Variants in UNC5B observed in about 807,000 individuals in gnomAD.
UNC5B encodes netrin receptor UNC5B.
Under a neutral mutation model 103.7 loss-of-function variants are expected in UNC5B, and 56 were observed. The ratio of observed to expected loss-of-function variants is 0.54; its 90% CI spans 0.44 to 0.67. The LOEUF (loss-of-function observed/expected upper bound fraction) is 0.67. Ranked by LOEUF, UNC5B falls within the 30% of genes least tolerant of loss-of-function variation. The probability of loss-of-function intolerance (pLI) is 0.00; values close to 1 mark genes in which losing one functional copy is unlikely to be tolerated. For synonymous variants in UNC5B, 577 were observed against 542.0 expected, an observed-to-expected ratio of 1.06 and a Z score of -0.90; for missense variants, 1,194 against 1,284.5, an observed-to-expected ratio of 0.93 and a Z score of 1.08.
chr10:71,260,720 C>G (rs1288754107), intron 1 of UNC5B, among the ~76,000 whole-genome samples: 1 of 152,182 alleles, frequency 6.6e-6, no homozygotes, highest in African/African-American at 2.4e-5. Context: ...GAAGAGGCTC[C>G]TAAGAGCTGG....
intron 1 of UNC5B, among the ~76,000 whole-genome samples, chr10:71,263,864 A>G (rs1844468651): frequency 6.6e-6 from 1 of 152,156 alleles, no homozygotes; most frequent in African/African-American, 2.4e-5. Context: ...AAACAGACAG[A>G]CAGGGAGGGA....
chr10:71,290,260 C>T (rs1391213379), intron 8 of UNC5B, among the ~76,000 whole-genome samples: 4 of 152,154 alleles, frequency 2.6e-5, no homozygotes, highest in Admixed American at 2.0e-4. Flanking sequence ...CAGACCCTGC[C>T]ACTTTGACCT....
intron 14 of UNC5B, 126 bp from the exon 15 acceptor site, chr10:71,296,452 C>G (rs1845414198): frequency 9.0e-7 from 1 of 1,114,832 alleles, no homozygotes; most frequent in African/African-American, 1.6e-5. Context: ...GCACTTGACC[C>G]CTCCCTATCT....
chr10:71,260,497 C>T (rs1844392349), intron 1 of UNC5B, among the ~76,000 whole-genome samples: 1 of 152,202 alleles, frequency 6.6e-6, no homozygotes, highest in African/African-American at 2.4e-5. Flanking sequence ...AGGCAGGCAC[C>T]TCCCAAAAAA....
rs778203394 is a variant in UNC5B, at chr10:71,293,851, C to G, written c.2093C>G (p.Ala698Gly). The G allele has an allele frequency of 1.2e-6, 2 of 1,609,694 alleles. No individual in the cohort carries two copies. The highest frequency in any genetic ancestry group is 2.7e-5 in the African/African-American group (2 of 74,870). ...TCAGCAGTCAAGCGGCTCCAGCTGG[C>G]CGTCTTCGCCCCCGCCCTCTGCACC... ...SRSAVKRLQL[A>G]VFAPALCTSL... The change falls in exon 13 of 17, where the codon GCC (alanine) becomes GGC (glycine). Residue 698 changes from alanine to glycine, a missense_variant. By Grantham distance (60) the Ala-to-Gly change is moderately conservative (BLOSUM62 0). Coordinates refer to ENST00000335350, the MANE Select transcript of UNC5B (RefSeq NM_170744.5).
intron 1 of UNC5B, among the ~76,000 whole-genome samples, chr10:71,274,732 C>A (rs772299493): frequency 6.6e-6 from 1 of 152,088 alleles, no homozygotes; most frequent in Non-Finnish European, 1.5e-5. Context: ...TGATCTAAGG[C>A]CTGGGATGGG....
intron 1 of UNC5B, among the ~76,000 whole-genome samples, chr10:71,216,187 C>T (rs1458611689): frequency 2.0e-5 from 3 of 152,200 alleles, no homozygotes; most frequent in African/African-American, 7.2e-5. Flanking sequence ...GCCTCACAAC[C>T]TCAATCTAGT....
At chr10:71,266,791 C>T (rs1318640850) in intron 1 of UNC5B, among the ~76,000 whole-genome samples, 2 of 152,162 alleles carry the variant, frequency 1.3e-5, no homozygotes, top group African/African-American at 4.8e-5. Flanking sequence ...TTTCAGTTAC[C>T]CATGGCCAAC....
At chr10:71,262,376 TG>T (rs539875174) in intron 1 of UNC5B, among the ~76,000 whole-genome samples, 320 of 117,526 alleles carry the variant, frequency 2.7e-3, no homozygotes, top group African/African-American at 9.2e-3. Flanking sequence ...CTGAGCTGGC[TG>T]GGGGGATGGG....
At chr10:71,262,159 C>A (rs1410987947) in intron 1 of UNC5B, among the ~76,000 whole-genome samples, 3 of 152,132 alleles carry the variant, frequency 2.0e-5, no homozygotes, top group African/African-American at 7.2e-5. Context: ...GGGAGTGGGG[C>A]AGGAGGGAGT....
At chr10:71,228,768 C>T (rs1278711734) in intron 1 of UNC5B, among the ~76,000 whole-genome samples, 3 of 152,258 alleles carry the variant, frequency 2.0e-5, no homozygotes, top group African/African-American at 7.2e-5. Flanking sequence ...TCTGTGCCCA[C>T]CTTGGCCATT....
At chr10:71,269,863 A>G (rs1448832408) in intron 1 of UNC5B, among the ~76,000 whole-genome samples, 1 of 152,170 alleles carries the variant, frequency 6.6e-6, no homozygotes, top group Non-Finnish European at 1.5e-5. Flanking sequence ...CTGGGTGGTC[A>G]GGGAAGGCCT....
At chr10:71,251,621 G>A (rs1447672415) in intron 1 of UNC5B, among the ~76,000 whole-genome samples, 3 of 152,156 alleles carry the variant, frequency 2.0e-5, no homozygotes, top group Non-Finnish European at 2.9e-5. Context: ...TCTGGAGATC[G>A]TTTCGCTCAT....
chr10:71,287,795 C>G, intron 6 of UNC5B, 30 bp downstream of exon 6: 1 of 1,595,672 alleles, frequency 6.3e-7, no homozygotes, highest in Non-Finnish European at 8.5e-7. Context: ...TCCAGCCCCA[C>G]CCCGAACCCT....
chr10:71,227,647 CATATAT>C lies in UNC5B; in HGVS notation c.79+14587_79+14592del. On this transcript the variant is annotated intron_variant, in intron 1 of 16. Transcript: ENST00000335350. ...ATATATACATATATATACACATATA[CATATAT>C]ATACATATATATACACATATATACA... Among the ~76,000 whole-genome samples, 3 of 128,170 alleles carry C rather than the reference CATATAT, an allele frequency of 2.3e-5. No homozygotes were observed. In the South Asian group the frequency reaches 6.6e-4, roughly 28 times the overall value. The allele number at this position is 128,170 out of a possible 152,430, so 84.1% of individuals were successfully genotyped here.
chr10:71,263,686 A>G (rs535278408), intron 1 of UNC5B, among the ~76,000 whole-genome samples: 1 of 152,330 alleles, frequency 6.6e-6, no homozygotes, highest in African/African-American at 2.4e-5. Flanking sequence ...AAACCTTTAC[A>G]TCAAGGGCAA....
At chr10:71,222,025 G>A (rs1451947090) in intron 1 of UNC5B, among the ~76,000 whole-genome samples, 1 of 151,826 alleles carries the variant, frequency 6.6e-6, no homozygotes, top group Non-Finnish European at 1.5e-5. Flanking sequence ...CATCATATGG[G>A]CACCATGTAT....
rs372784750 is a variant in UNC5B, at chr10:71,292,590, C to G, written c.1772+36C>G. 5.3e-5 allele frequency: 83 copies of G among 1,557,364 alleles called. 2 individuals are homozygous for G. In the East Asian group the frequency reaches 5.6e-4, roughly 10 times the overall value. The stretch of plus-strand genomic sequence containing the variant: ...CCCCAGCCGCTGCTCCTTTTTCTTC[C>G]TCCCATCCCTTGCTGCCTGCCCACA... On this transcript the variant is annotated intron_variant, in intron 11 of 16. Coordinates refer to ENST00000335350, the MANE Select transcript of UNC5B (RefSeq NM_170744.5).
chr10:71,229,120 C>T (rs567807839), intron 1 of UNC5B, among the ~76,000 whole-genome samples: 90 of 152,348 alleles, frequency 5.9e-4, no homozygotes, highest in African/African-American at 1.7e-3. Flanking sequence ...CCTCCACCAA[C>T]GTGATTGTTG....
Sources: gnomAD v4.1 joint callset for allele counts (sites outside exome capture counted in the v4.1 genomes callset) on GRCh38, gnomAD v4.1.1 for gene constraint, MANE v1.5 for transcripts, NCBI Gene and HGNC (gene_info 2026-07-23, HGNC 2026-07-21) for gene names.